SLC22A3: variants seen among roughly 807,000 people sequenced by gnomAD.
SLC22A3 encodes EMT organic cation transporter 3.
SLC22A3 carries 51 observed loss-of-function variants against 59.1 expected under a neutral mutation model. The observed-to-expected ratio is 0.86, with a 90% CI of 0.69 to 1.09. SLC22A3 has a LOEUF of 1.09. Ranked by LOEUF, SLC22A3 falls within the 50% of genes least tolerant of loss-of-function variation. The probability of loss-of-function intolerance (pLI) is 0.00; values close to 1 mark genes in which losing one functional copy is unlikely to be tolerated. For missense variants in SLC22A3, 711 were observed against 726.3 expected, an observed-to-expected ratio of 0.98 and a Z score of 0.24; for synonymous variants, 325 against 292.0, an observed-to-expected ratio of 1.11 and a Z score of -1.15.
At chr6:160,367,748 G>C (rs1413245580) in intron 1 of SLC22A3, among the ~76,000 whole-genome samples, 2 of 152,202 alleles carry the variant, frequency 1.3e-5, no homozygotes, top group Non-Finnish European at 2.9e-5. Flanking sequence ...CATCATGGAT[G>C]ATGGGGCACT....
chr6:160,379,908 A>G (rs1363816035), intron 1 of SLC22A3, among the ~76,000 whole-genome samples: 1 of 152,206 alleles, frequency 6.6e-6, no homozygotes, highest in Non-Finnish European at 1.5e-5. Context: ...AAGTCCTTAA[A>G]ACTCCTAATT....
At position 160,447,079 on chromosome 6, in the gene SLC22A3, G is replaced by A. The variant is rs555162991; in HGVS notation, c.1511-640G>A. 3.3e-5 allele frequency among the ~76,000 whole-genome samples: 5 copies of A among 152,326 alleles called. No individual in the cohort carries two copies. The East Asian group carries it at 9.7e-4, about 29-fold the overall frequency. On this transcript the variant is annotated intron_variant, in intron 9 of 10. Coordinates refer to ENST00000275300, the MANE Select transcript of SLC22A3 (RefSeq NM_021977.4). Reference sequence around the variant, plus strand: ...AGAAGTGGAGAAAATAGGGGAGGGTGGCTTTTCAAGAAGTTTGGCTCTAAA... The same window carrying A: ...AGAAGTGGAGAAAATAGGGGAGGGTAGCTTTTCAAGAAGTTTGGCTCTAAA...
chr6:160,433,553 T>C (rs912798752), intron 5 of SLC22A3, among the ~76,000 whole-genome samples: 1 of 151,960 alleles, frequency 6.6e-6, no homozygotes, highest in Non-Finnish European at 1.5e-5. Flanking sequence ...CTACTACTGC[T>C]ACTAATAAGC....
chr6:160,433,745 A>T (rs1420203232), intron 5 of SLC22A3, among the ~76,000 whole-genome samples: 2 of 152,164 alleles, frequency 1.3e-5, no homozygotes, highest in African/African-American at 4.8e-5. Flanking sequence ...AAGTCAAACT[A>T]TCTACCTGAA....
chr6:160,349,901 A>T (rs1212047817), intron 1 of SLC22A3, among the ~76,000 whole-genome samples: 1 of 152,210 alleles, frequency 6.6e-6, no homozygotes, highest in East Asian at 1.9e-4. Context: ...GATAAACTTT[A>T]AAAAATCACC....
At chr6:160,386,537 G>A (rs1326423921) in intron 1 of SLC22A3, among the ~76,000 whole-genome samples, 2 of 152,226 alleles carry the variant, frequency 1.3e-5, no homozygotes, top group African/African-American at 4.8e-5. Context: ...CAAAGCTTCT[G>A]CTAGGTTGCT....
At chr6:160,353,974 G>A (rs529913906) in intron 1 of SLC22A3, among the ~76,000 whole-genome samples, 80 of 152,094 alleles carry the variant, frequency 5.3e-4, no homozygotes, top group Non-Finnish European at 9.4e-4. Flanking sequence ...TATTTTCAGA[G>A]AGCTTTGAGC....
intron 1 of SLC22A3, among the ~76,000 whole-genome samples, chr6:160,380,811 A>G (rs1334109783): frequency 6.6e-6 from 1 of 152,234 alleles, no homozygotes; most frequent in African/African-American, 2.4e-5. Context: ...ACATAGACTG[A>G]GAAGTGCCAA....
chr6:160,420,535 G>A (rs1787686235), intron 5 of SLC22A3, among the ~76,000 whole-genome samples: 1 of 152,156 alleles, frequency 6.6e-6, no homozygotes, highest in African/African-American at 2.4e-5. Flanking sequence ...AATCAATTCT[G>A]GTGTCTAAGG....
At chr6:160,351,361 C>T (rs867707870) in intron 1 of SLC22A3, among the ~76,000 whole-genome samples, 3 of 152,186 alleles carry the variant, frequency 2.0e-5, no homozygotes, top group East Asian at 3.9e-4. Context: ...GTGATCCGCC[C>T]GCCTTGGCTT....
At chr6:160,391,748 G>T (rs1510227) in intron 1 of SLC22A3, among the ~76,000 whole-genome samples, 6,401 of 152,270 alleles carry the variant, frequency 0.042, 405 homozygotes, top group African/African-American at 0.14. Context: ...AAAACAGCCT[G>T]GAGAGAGAGG....
At position 160,410,740 on chromosome 6, in the gene SLC22A3, A is replaced by G. The variant is rs769355771; in HGVS notation, c.869A>G (p.Glu290Gly). 13 of 1,611,936 alleles carry G rather than the reference A, an allele frequency of 8.1e-6. No individual in the cohort carries two copies. The highest frequency in any genetic ancestry group is 1.1e-5 in the Non-Finnish European group (13 of 1,178,256). Reference sequence around the variant, plus strand: ...TCCTTCTTTGCCAGGGTGGTCCCTGAGTCTCCCCGTTGGCTGATTACTCGG... The same window carrying G: ...TCCTTCTTTGCCAGGGTGGTCCCTGGGTCTCCCCGTTGGCTGATTACTCGG... Reference protein sequence around the residue: ...LFLLYYWVVPESPRWLITRKK... With the variant: ...LFLLYYWVVPGSPRWLITRKK... Residue 290 changes from glutamate to glycine, a missense_variant, in exon 5 of 11, where the codon GAG becomes GGG. Coordinates refer to ENST00000275300, the MANE Select transcript of SLC22A3 (RefSeq NM_021977.4).
chr6:160,377,287 C>A (rs921323740), intron 1 of SLC22A3, among the ~76,000 whole-genome samples: 9 of 152,030 alleles, frequency 5.9e-5, no homozygotes, highest in African/African-American at 1.7e-4. Flanking sequence ...GAGTTCGAGA[C>A]CAGCCTGGCC....
At chr6:160,435,205 G>T (rs1788293049) in intron 5 of SLC22A3, among the ~76,000 whole-genome samples, 1 of 152,146 alleles carries the variant, frequency 6.6e-6, no homozygotes. Flanking sequence ...GGGAAGGGAA[G>T]CATGGATGGT....
At chr6:160,394,990 C>G (rs921725880) in intron 1 of SLC22A3, among the ~76,000 whole-genome samples, 1 of 152,226 alleles carries the variant, frequency 6.6e-6, no homozygotes, top group Non-Finnish European at 1.5e-5. Context: ...GTACAACCTA[C>G]ACAGAACCCT....
At chr6:160,416,475 A>AAC (rs920013324) in intron 5 of SLC22A3, among the ~76,000 whole-genome samples, 3 of 152,030 alleles carry the variant, frequency 2.0e-5, no homozygotes, top group Admixed American at 1.3e-4. Context: ...TAAAAAAAAA[A>AAC]AACAAATTAT....
chr6:160,442,868 C>T lies in SLC22A3; in HGVS notation c.1396C>T (p.Arg466Ter), dbSNP rs373997883. The T allele has an allele frequency of 1.1e-5, 18 of 1,602,222 alleles. No individual in the cohort carries two copies. The highest frequency in any genetic ancestry group is 3.3e-5 in the South Asian group (3 of 90,844). Residue 466 changes from arginine to a stop codon, truncating the protein, a stop_gained and splice_region_variant, in exon 8 of 11, where the codon CGA becomes TGA. Transcript: ENST00000275300. LOFTEE classifies it high-confidence loss of function. ...VNSELYPTTL[R>*]NFGVSLCSGL... ...TTCAGAATTGTACCCAACAACATTACGGTAATTCTAACAAACGTTATAGTT... is the reference window on the plus strand; with the variant it reads ...TTCAGAATTGTACCCAACAACATTATGGTAATTCTAACAAACGTTATAGTT...
At chr6:160,379,837 A>G (rs926491163) in intron 1 of SLC22A3, among the ~76,000 whole-genome samples, 5 of 152,204 alleles carry the variant, frequency 3.3e-5, no homozygotes, top group African/African-American at 1.2e-4. Context: ...CCATCATTGA[A>G]TCTGGACAGG....
chr6:160,417,350 G>A (rs73592911), intron 5 of SLC22A3, among the ~76,000 whole-genome samples: 2,685 of 152,322 alleles, frequency 0.018, 77 homozygotes, highest in African/African-American at 0.061. Flanking sequence ...CAGAGCTGCA[G>A]CAGCTGACCT....
Sources: gnomAD v4.1 joint callset for allele counts (sites outside exome capture counted in the v4.1 genomes callset) on GRCh38, gnomAD v4.1.1 for gene constraint, MANE v1.5 for transcripts, NCBI Gene and HGNC (gene_info 2026-07-23, HGNC 2026-07-21) for gene names.